TENM2: variants seen among roughly 807,000 people sequenced by gnomAD.
TENM2 encodes teneurin-2.
A neutral mutation model predicts 245.2 loss-of-function variants in TENM2; 52 were observed. The observed-to-expected ratio is 0.21, with a 90% CI of 0.17 to 0.27. The LOEUF is 0.27. TENM2 is among the 10% of genes least tolerant of loss of function. TENM2 has a pLI of 1.00. For synonymous variants in TENM2, 1,363 were observed against 1,438.9 expected (o/e 0.95, Z 1.19); for missense variants, 3,046 against 3,666.8 (o/e 0.83, Z 4.37).
chr5:168,114,451 AT>A lies in TENM2; in HGVS notation c.1814-3840del, dbSNP rs531697622. The stretch of plus-strand genomic sequence containing the variant: ...GATAGTAAAAATATAAGACTTATTA[AT>A]ACAGGAGGTTCCCCATTTCACATCC... On this transcript the variant is annotated intron_variant, in intron 9 of 28. Coordinates refer to ENST00000518659, the Ensembl canonical transcript of TENM2. Among the ~76,000 whole-genome samples, 21 of 152,346 alleles carry A rather than the reference AT, an allele frequency of 1.4e-4. No individual in the cohort carries two copies. The South Asian group carries it at 4.4e-3, about 32-fold the overall frequency.
chr5:168,118,540 C>T lies in TENM2; in HGVS notation c.2008+54C>T, dbSNP rs1027221736. ...GCAGTGGAGGGAGGCGTTTGCAGGG[C>T]CTGACCTTTGCTAATGAGCCCAGTC... On this transcript the variant is annotated intron_variant, in intron 10 of 28. Coordinates refer to ENST00000518659, the Ensembl canonical transcript of TENM2. 6.4e-6 allele frequency: 9 copies of T among 1,406,508 alleles called. No individual in the cohort carries two copies. In the South Asian group the frequency reaches 9.9e-5, roughly 16 times the overall value. The allele number at this position is 1,406,508 out of a possible 1,614,324, so 87.1% of individuals were successfully genotyped here. A position where few individuals can be genotyped will look rare whatever the true frequency, so the allele number is the denominator to read the frequency against.
intron 2 of TENM2, among the ~76,000 whole-genome samples, chr5:167,613,478 G>A (rs1434177456): frequency 1.3e-5 from 2 of 152,120 alleles, no homozygotes; most frequent in African/African-American, 2.4e-5. Context: ...GTAAGAGGTA[G>A]AGGCTGGGAT....
intron 3 of TENM2, among the ~76,000 whole-genome samples, chr5:167,877,853 A>G (rs1206847145): frequency 1.3e-5 from 2 of 152,170 alleles, no homozygotes; most frequent in Non-Finnish European, 1.5e-5. Flanking sequence ...TGCAGAGATT[A>G]TGTTGCATTT....
At chr5:167,123,243 G>A in the TENM2 span, among the ~76,000 whole-genome samples, 1 of 152,166 alleles carries the variant, frequency 6.6e-6, no homozygotes, top group Non-Finnish European at 1.5e-5. Context: ...CCGAGGCAGA[G>A]GCAGCGGCAG....
At chr5:167,232,385 TTTC>T in the TENM2 span, among the ~76,000 whole-genome samples, 3 of 142,874 alleles carry the variant, frequency 2.1e-5, no homozygotes, top group African/African-American at 8.3e-5. Flanking sequence ...CTTTTTTTTT[TTTC>T]CCAAGACAGA....
At chr5:167,871,850 T>G (rs1772854572) in intron 2 of TENM2, among the ~76,000 whole-genome samples, 1 of 152,130 alleles carries the variant, frequency 6.6e-6, no homozygotes. Flanking sequence ...AAATCAAAAT[T>G]TATAAAGTGA....
Position 167,683,357 on chromosome 5 carries a change from G to A in TENM2, c.503-192629G>A, listed in dbSNP as rs147694756. ...TGTCCTAGTTGCTGAAAAGAAAGAT[G>A]GCTCCTATGATGTCATCCTTCCCCC... On this transcript the variant is annotated intron_variant, in intron 2 of 28. Transcript: ENST00000518659. 9.5e-3 allele frequency among the ~76,000 whole-genome samples: 1,436 copies of A among 151,922 alleles called. 9 individuals carry two copies. Among genetic ancestry groups the A allele is most frequent in the Non-Finnish European group, 0.016 (1,085 of 67,996 alleles).
chr5:167,245,446 A>G, the TENM2 span, among the ~76,000 whole-genome samples: 1 of 152,118 alleles, frequency 6.6e-6, no homozygotes, highest in Non-Finnish European at 1.5e-5. Context: ...CTGGATGACA[A>G]CTTCAAAGTG....
rs144568301 is a variant in TENM2 at position 167,709,252 on chromosome 5, C to T, written c.503-166734C>T. On this transcript the variant is annotated intron_variant, in intron 2 of 28. Transcript: ENST00000518659. The stretch of plus-strand genomic sequence containing the variant: ...TCACTGCGTGGTCTTCTCTTATCCC[C>T]GGGTTATTTGATCTTTTACTCTAAT... Among the ~76,000 whole-genome samples the T allele has an allele frequency of 8.5e-4, 129 of 152,262 alleles. No individual in the cohort carries two copies. The East Asian group carries it at 0.02, about 24-fold the overall frequency.
chr5:167,049,784 G>A, the TENM2 span, among the ~76,000 whole-genome samples: 2 of 152,098 alleles, frequency 1.3e-5, no homozygotes, highest in South Asian at 2.1e-4. Context: ...GAAGCTGGTT[G>A]GTGAATTATT....
chr5:167,864,010 C>G (rs968228007), intron 2 of TENM2, among the ~76,000 whole-genome samples: 1 of 152,216 alleles, frequency 6.6e-6, no homozygotes, highest in Non-Finnish European at 1.5e-5. Context: ...TGAGGGGGAG[C>G]TTTTCATGCT....
intron 2 of TENM2, among the ~76,000 whole-genome samples, chr5:167,644,366 T>A (rs981538267): frequency 6.6e-6 from 1 of 152,208 alleles, no homozygotes; most frequent in Non-Finnish European, 1.5e-5. Context: ...CCAATTTCTC[T>A]TCTAAGTGTA....
intron 2 of TENM2, among the ~76,000 whole-genome samples, chr5:167,662,111 C>T (rs1342391695): frequency 2.0e-5 from 3 of 152,170 alleles, no homozygotes; most frequent in Non-Finnish European, 4.4e-5. Flanking sequence ...AATTAAGGTG[C>T]AGCCACCAAA....
the TENM2 span, among the ~76,000 whole-genome samples, chr5:167,029,410 G>A: frequency 6.6e-6 from 1 of 152,122 alleles, no homozygotes. Context: ...CAATAGTTAA[G>A]GTGAAATTGA....
intron 2 of TENM2, among the ~76,000 whole-genome samples, chr5:167,388,350 G>T (rs779291791): frequency 6.6e-6 from 1 of 152,066 alleles, no homozygotes; most frequent in Non-Finnish European, 1.5e-5. Flanking sequence ...GGTGTCAGTT[G>T]TAATACCTCC....
At chr5:167,667,723 G>A (rs557085418) in intron 2 of TENM2, among the ~76,000 whole-genome samples, 30 of 152,288 alleles carry the variant, frequency 2.0e-4, no homozygotes, top group African/African-American at 6.7e-4. Flanking sequence ...TGTTCTTTAG[G>A]CAGCCATGTA....
At chr5:167,048,083 C>CA in the TENM2 span, among the ~76,000 whole-genome samples, 4 of 151,820 alleles carry the variant, frequency 2.6e-5, no homozygotes, top group Admixed American at 1.3e-4. Flanking sequence ...AAGAAATTTT[C>CA]AAAAAAAATC....
intron 19 of TENM2, among the ~76,000 whole-genome samples, chr5:168,207,124 T>G (rs1021872682): frequency 6.6e-6 from 1 of 152,206 alleles, no homozygotes; most frequent in Non-Finnish European, 1.5e-5. Flanking sequence ...TTGATGCCAC[T>G]GAATGCCTTG....
At chr5:167,652,027 G>A (rs766963150) in intron 2 of TENM2, among the ~76,000 whole-genome samples, 9 of 151,836 alleles carry the variant, frequency 5.9e-5, no homozygotes, top group Non-Finnish European at 1.3e-4. Context: ...ATGGACTAAC[G>A]ATCTTATTTC....
Sources: gnomAD v4.1 joint callset for allele counts (sites outside exome capture counted in the v4.1 genomes callset) on GRCh38, gnomAD v4.1.1 for gene constraint, MANE v1.5 for transcripts, NCBI Gene and HGNC (gene_info 2026-07-23, HGNC 2026-07-21) for gene names.